The following DPYSL4 variants were observed in gnomAD, a reference collection of about 807,000 sequenced individuals.
DPYSL4 encodes dihydropyrimidinase like 4.
In DPYSL4, 43 loss-of-function variants were observed where a neutral mutation model predicts 63.4. The ratio of observed to expected loss-of-function variants is 0.68; its 90% CI spans 0.53 to 0.88. The LOEUF is 0.88. DPYSL4 is among the 40% of genes least tolerant of loss of function. The pLI is 0.00. For synonymous variants in DPYSL4, 353 were observed against 331.7 expected, an observed-to-expected ratio of 1.06 and a Z score of -0.70; for missense variants, 733 against 819.5, an observed-to-expected ratio of 0.89 and a Z score of 1.29.
Position 132,192,764 on chromosome 10 carries a change from C to G in DPYSL4, c.235C>G (p.Pro79Ala), listed in dbSNP as rs774754712. The G allele has an allele frequency of 1.9e-6, 3 of 1,613,356 alleles. No homozygotes were observed. In the South Asian group the frequency reaches 3.3e-5, roughly 18 times the overall value. The change falls in exon 3 of 14, where the codon CCT becomes GCT. Residue 79 changes from proline to alanine, a missense_variant. Transcript: ENST00000338492. Reference sequence around the variant, plus strand: ...TGACGTCCACACAAGGCTGCAGATGCCTGTCCTGGGCATGACACCGGCTGA... The same window carrying G: ...TGACGTCCACACAAGGCTGCAGATGGCTGTCCTGGGCATGACACCGGCTGA... The part of the protein sequence containing the change: ...GVDVHTRLQM[P>A]VLGMTPADDF...
At position 132,192,784 on chromosome 10, in the gene DPYSL4, G is replaced by A. The variant is rs368717871; in HGVS notation, c.255G>A (p.Pro85=). ...AGATGCCTGTCCTGGGCATGACACC[G>A]GCTGACGACTTCTGTCAGGGCACCA... ...RLQMPVLGMT[P]ADDFCQGTKA... is the part of the protein sequence containing the mutation. The change falls in exon 3 of 14, where the codon CCG becomes CCA. Residue 85 remains proline (P), a synonymous_variant. Transcript: ENST00000338492. 34 of 1,612,952 alleles carry A rather than the reference G, an allele frequency of 2.1e-5. No homozygotes were observed. The highest frequency in any genetic ancestry group is 1.1e-4 in the South Asian group (10 of 91,066).
At chr10:132,195,413 T>C (rs560420552) in intron 4 of DPYSL4, among the ~76,000 whole-genome samples, 10 of 152,282 alleles carry the variant, frequency 6.6e-5, no homozygotes, top group African/African-American at 2.4e-4. Flanking sequence ...CAAGTTAACA[T>C]TTTTCCCCAC....
chr10:132,192,872 G>A, intron 3 of DPYSL4, 30 bp downstream of exon 3: 2 of 1,563,128 alleles, frequency 1.3e-6, no homozygotes, highest in Non-Finnish European at 1.7e-6. Context: ...CCTCTACAGG[G>A]GGCAGCCAGC....
rs1565039142 is a variant in DPYSL4 at position 132,192,749 on chromosome 10, A to T, written c.220A>T (p.Thr74Ser). 6.2e-7 allele frequency: 1 copy of T among 1,613,246 alleles called. No homozygotes were observed. Among genetic ancestry groups the T allele is most frequent in the Admixed American group, 1.7e-5 (1 of 60,000 alleles). ...CCTTCCTGGTGGCGTTGACGTCCAC[A>T]CAAGGCTGCAGATGCCTGTCCTGGG... is the stretch of plus-strand genomic sequence containing the variant. Reference protein sequence around the residue: ...MVLPGGVDVHTRLQMPVLGMT... With the variant: ...MVLPGGVDVHSRLQMPVLGMT... Residue 74 changes from threonine (T) to serine (S), a missense_variant, in exon 3 of 14, where the codon ACA becomes TCA. Coordinates refer to ENST00000338492, the MANE Select transcript of DPYSL4 (RefSeq NM_006426.3).
intron 1 of DPYSL4, among the ~76,000 whole-genome samples, chr10:132,190,386 A>G (rs970553991): frequency 6.6e-6 from 1 of 152,250 alleles, no homozygotes; most frequent in Non-Finnish European, 1.5e-5. Context: ...GAGGCTGCAC[A>G]GGAGGCCATG....
At chr10:132,187,226 G>A in intron 1 of DPYSL4, 124 bp downstream of exon 1, 2 of 623,942 alleles carry the variant, frequency 3.2e-6, no homozygotes, top group South Asian at 4.7e-5. Context: ...TCTGGTCCCT[G>A]TCCTGGCGCC....
chr10:132,201,136 C>T (rs570987572), intron 10 of DPYSL4, among the ~76,000 whole-genome samples, 153 bp downstream of exon 10: 28 of 152,210 alleles, frequency 1.8e-4, no homozygotes, highest in Non-Finnish European at 3.4e-4. Flanking sequence ...CCACCCAGGG[C>T]GCCTCAGACA....
At chr10:132,187,546 C>A (rs1467542504) in intron 1 of DPYSL4, among the ~76,000 whole-genome samples, 1 of 152,132 alleles carries the variant, frequency 6.6e-6, no homozygotes, top group Non-Finnish European at 1.5e-5. Flanking sequence ...GTCCGGGGCG[C>A]GGGGAGATGC....
At chr10:132,193,191 G>A (rs1320816557) in intron 3 of DPYSL4, among the ~76,000 whole-genome samples, 6 of 152,214 alleles carry the variant, frequency 3.9e-5, no homozygotes, top group Non-Finnish European at 5.9e-5. Context: ...TGAAATGCCA[G>A]ATACATGTTT....
Position 132,192,757 on chromosome 10 carries a change from G to A in DPYSL4, c.228G>A (p.Leu76=), listed in dbSNP as rs2061894013. 2 of 1,613,234 alleles carry A rather than the reference G, an allele frequency of 1.2e-6. No individual in the cohort carries two copies. The highest frequency in any genetic ancestry group is 1.7e-5 in the Admixed American group (1 of 60,000). Residue 76 remains leucine, a synonymous_variant, in exon 3 of 14, where the codon CTG becomes CTA. Coordinates refer to ENST00000338492, the MANE Select transcript of DPYSL4 (RefSeq NM_006426.3). ...LPGGVDVHTR[L]QMPVLGMTPA... ...GTGGCGTTGACGTCCACACAAGGCT[G>A]CAGATGCCTGTCCTGGGCATGACAC... is the stretch of plus-strand genomic sequence containing the variant.
In DPYSL4 at chr10:132,191,570, G is replaced by A. The variant is rs113573435; in HGVS notation, c.128+735G>A. Among the ~76,000 whole-genome samples the A allele has an allele frequency of 9.5e-4, 32 of 33,678 alleles. 4 individuals carry two copies. The highest frequency in any genetic ancestry group is 6.0e-3 in the East Asian group (1 of 168). 22.1% of individuals were successfully genotyped at this position (33,678 alleles called of 152,430 possible). ...TCACATGGTATCCAGGCAGGTTAAA[G>A]TATGTTCCCAGCTCGTGTGTACACG... On this transcript the variant is annotated intron_variant, in intron 2 of 13. Transcript: ENST00000338492.
At chr10:132,199,192 G>T (rs758655388) in intron 8 of DPYSL4, among the ~76,000 whole-genome samples, 1 of 152,190 alleles carries the variant, frequency 6.6e-6, no homozygotes, top group African/African-American at 2.4e-5. Flanking sequence ...CTCACCAGGG[G>T]CCCTGAGGCA....
At position 132,202,678 on chromosome 10, in the gene DPYSL4, G is replaced by A; in HGVS notation, c.1314G>A (p.Glu438=). Residue 438 remains glutamate, a synonymous_variant, in exon 12 of 14, where the codon GAG becomes GAA. Coordinates refer to ENST00000338492, the MANE Select transcript of DPYSL4 (RefSeq NM_006426.3). ...NVEYNIFEGV[E]CRGAPAVVIS... is the part of the protein sequence containing the mutation. ...AGTACAACATCTTCGAGGGAGTGGA[G>A]TGCCGGGGAGCGCCTGCCGTGGTCA... 1.2e-6 allele frequency: 2 copies of A among 1,613,128 alleles called. No individual in the cohort carries two copies. The highest frequency in any genetic ancestry group is 1.7e-6 in the Non-Finnish European group (2 of 1,179,984).
At position 132,187,009 on chromosome 10, in the gene DPYSL4, GCCCGCCCGCCCGCCCC is replaced by G; in HGVS notation, c.-53_-38del. ...GGCTCACGCGTCCCCCCGCCCGCCC[GCCCGCCCGCCCGCCCC>G]CGCTTGTGCCGCCCCTACCAGAGAC... On this transcript the variant is annotated 5_prime_UTR_variant, in exon 1 of 14. Transcript: ENST00000338492. 1.5e-5 allele frequency: 1 copy of G among 65,726 alleles called. No individual in the cohort carries two copies. The highest frequency in any genetic ancestry group is 2.9e-5 in the Non-Finnish European group (1 of 34,884). The allele number at this position is 65,726 out of a possible 1,614,324, so 4.1% of individuals were successfully genotyped here.
In DPYSL4 at chr10:132,198,439, G is replaced by A. The variant is rs189724483; in HGVS notation, c.646G>A (p.Gly216Ser). 52 of 1,606,962 alleles carry A rather than the reference G, an allele frequency of 3.2e-5. No homozygotes were observed. Among genetic ancestry groups the A allele is most frequent in the Middle Eastern group, 1.7e-4 (1 of 6,052 alleles). Reference sequence around the variant, plus strand: ...GGAGCAGAAGCGGTTGCTGGAGCTCGGCATCACTGGCCCCGAGGGCCACGT... The same window carrying A: ...GGAGCAGAAGCGGTTGCTGGAGCTCAGCATCACTGGCCCCGAGGGCCACGT... ...EEEQKRLLEL[G>S]ITGPEGHVLS... is the part of the protein sequence containing the mutation. Residue 216 changes from glycine to serine, a missense_variant, in exon 7 of 14, where the codon GGC (glycine) becomes AGC (serine). Physicochemically the swap from Gly to Ser is moderately conservative, Grantham distance 56. Transcript: ENST00000338492.
intron 2 of DPYSL4, among the ~76,000 whole-genome samples, chr10:132,191,476 G>T (rs10082475): frequency 6.3e-5 from 6 of 95,842 alleles, no homozygotes; most frequent in Admixed American, 1.2e-4. Flanking sequence ...TTCCCAGCTC[G>T]TGTGTACACG....
intron 4 of DPYSL4, 55 bp downstream of exon 4, chr10:132,195,064 C>G (rs986846155): frequency 1.3e-6 from 2 of 1,555,736 alleles, no homozygotes; most frequent in African/African-American, 2.7e-5. Context: ...GGAGGAGCCT[C>G]TGCCCTGACC....
chr10:132,190,619 G>A, intron 1 of DPYSL4, 128 bp from the exon 2 acceptor site: 1 of 817,010 alleles, frequency 1.2e-6, no homozygotes, highest in Non-Finnish European at 1.9e-6. Context: ...GCAGGCTTTT[G>A]TGCTCGTTTT....
intron 4 of DPYSL4, among the ~76,000 whole-genome samples, chr10:132,195,580 C>G (rs920465602): frequency 1.3e-5 from 2 of 152,188 alleles, no homozygotes; most frequent in African/African-American, 2.4e-5. Flanking sequence ...AGGAGCCTGT[C>G]AAGGCCCTGG....
Sources: allele counts gnomAD v4.1 joint callset (sites outside exome capture counted in the v4.1 genomes callset), GRCh38; gene constraint gnomAD v4.1.1; transcripts MANE v1.5; gene names NCBI Gene and HGNC (gene_info 2026-07-23, HGNC 2026-07-21).